CDH8: variants seen among roughly 807,000 people sequenced by gnomAD.
The protein encoded by CDH8 is cadherin-8.
A neutral mutation model predicts 68.1 loss-of-function variants in CDH8; 17 were observed. That is an observed-to-expected ratio of 0.25 (90% CI 0.17 to 0.37). The LOEUF (loss-of-function observed/expected upper bound fraction) is 0.37. Among genes scored for constraint, CDH8 ranks in the 10% least tolerant of loss-of-function variants. The pLI, the probability that CDH8 is intolerant of heterozygous loss-of-function variation, is 1.00. For missense variants in CDH8, 763 were observed against 999.3 expected (o/e 0.76, Z 3.19); for synonymous variants, 372 against 365.1 (o/e 1.02, Z -0.21).
intron 10 of CDH8, among the ~76,000 whole-genome samples, chr16:61,704,794 G>A (rs1335883990): frequency 6.6e-6 from 1 of 152,170 alleles, no homozygotes; most frequent in Non-Finnish European, 1.5e-5. Context: ...AGTATGTTGG[G>A]ATAGATGAGC....
At chr16:61,762,880 G>A (rs1259421476) in intron 8 of CDH8, among the ~76,000 whole-genome samples, 1 of 152,148 alleles carries the variant, frequency 6.6e-6, no homozygotes, top group Admixed American at 6.5e-5. Context: ...CCCAATCTGT[G>A]TTTTAACAAG....
At chr16:61,746,556 AACACACACACACAC>A (rs71675273) in intron 8 of CDH8, among the ~76,000 whole-genome samples, 3,270 of 140,204 alleles carry the variant, frequency 0.023, 240 homozygotes, top group East Asian at 0.23. Flanking sequence ...ATTCCCCCCC[AACACACACACACAC>A]ACACACACAC....
chr16:61,873,245 T>C (rs752843551), intron 3 of CDH8, among the ~76,000 whole-genome samples: 19 of 152,178 alleles, frequency 1.2e-4, no homozygotes, highest in Non-Finnish European at 2.5e-4. Flanking sequence ...TAGACATAAA[T>C]AAGCCTAAAT....
At chr16:61,851,308 ATGT>A (rs1962932778) in intron 4 of CDH8, among the ~76,000 whole-genome samples, 1 of 152,008 alleles carries the variant, frequency 6.6e-6, no homozygotes, top group East Asian at 1.9e-4. Flanking sequence ...ACAGAGACAA[ATGT>A]TGTTTGTACC....
intron 10 of CDH8, among the ~76,000 whole-genome samples, chr16:61,662,218 T>C (rs1963580438): frequency 6.6e-6 from 1 of 151,644 alleles, no homozygotes; most frequent in Non-Finnish European, 1.5e-5. Context: ...TCAATTTTAC[T>C]CATACGTTAT....
At chr16:61,668,824 C>T (rs185257792) in intron 10 of CDH8, among the ~76,000 whole-genome samples, 24 of 152,010 alleles carry the variant, frequency 1.6e-4, no homozygotes, top group Non-Finnish European at 2.8e-4. Flanking sequence ...TGAATAGGTG[C>T]CTCTAAATAT....
At chr16:62,009,044 A>T (rs895128361) in intron 2 of CDH8, among the ~76,000 whole-genome samples, 16 of 151,910 alleles carry the variant, frequency 1.1e-4, no homozygotes, top group African/African-American at 3.9e-4. Context: ...AAAAAAAAAA[A>T]AGCAAAGAAA....
At chr16:61,947,861 A>G (rs951592047) in intron 2 of CDH8, among the ~76,000 whole-genome samples, 1 of 152,186 alleles carries the variant, frequency 6.6e-6, no homozygotes, top group Non-Finnish European at 1.5e-5. Flanking sequence ...ATGGCTCGAG[A>G]AAATGAAAAT....
At chr16:62,000,085 G>C (rs1217272672) in intron 2 of CDH8, among the ~76,000 whole-genome samples, 1 of 152,026 alleles carries the variant, frequency 6.6e-6, no homozygotes, top group African/African-American at 2.4e-5. Context: ...TACTGTGTTA[G>C]TTTGCTGAGA....
At chr16:61,687,586 CTT>C in intron 10 of CDH8, among the ~76,000 whole-genome samples, 1 of 152,088 alleles carries the variant, frequency 6.6e-6, no homozygotes, top group Admixed American at 6.6e-5. Flanking sequence ...CTAACAACGC[CTT>C]CAGCCCTCAC....
At chr16:61,809,390 A>C (rs999597264) in intron 7 of CDH8, among the ~76,000 whole-genome samples, 1 of 152,066 alleles carries the variant, frequency 6.6e-6, no homozygotes, top group East Asian at 1.9e-4. Flanking sequence ...AACAATGAGA[A>C]CACATGGACA....
At chr16:61,759,339 AAAG>A (rs1209126569) in intron 8 of CDH8, among the ~76,000 whole-genome samples, 1 of 152,052 alleles carries the variant, frequency 6.6e-6, no homozygotes, top group East Asian at 1.9e-4. Flanking sequence ...TAAAAAGAAG[AAAG>A]AAGGAGGAAG....
intron 4 of CDH8, among the ~76,000 whole-genome samples, chr16:61,849,853 T>C (rs578240278): frequency 7.9e-5 from 12 of 152,152 alleles, no homozygotes; most frequent in Non-Finnish European, 1.2e-4. Context: ...CTATCACAAA[T>C]ATCACATTTT....
chr16:61,692,761 G>A (rs1964254570), intron 10 of CDH8: 3 of 151,976 alleles, frequency 2.0e-5, no homozygotes, highest in South Asian at 2.1e-4. Context: ...ACTAATCTTC[G>A]GTGAGTAGAT....
chr16:62,012,536 G>A (rs959441988), intron 2 of CDH8, among the ~76,000 whole-genome samples: 14 of 152,092 alleles, frequency 9.2e-5, no homozygotes, highest in African/African-American at 3.4e-4. Context: ...ATTAAGTAAT[G>A]GTCCCCAAGA....
chr16:61,695,034 C>T (rs1227609366), intron 10 of CDH8, among the ~76,000 whole-genome samples: 3 of 152,082 alleles, frequency 2.0e-5, no homozygotes, highest in African/African-American at 4.8e-5. Context: ...CCGCCTCAGC[C>T]CCTCAAAGTG....
intron 4 of CDH8, among the ~76,000 whole-genome samples, chr16:61,853,431 T>A (rs886621136): frequency 6.6e-6 from 1 of 152,132 alleles, no homozygotes; most frequent in Non-Finnish European, 1.5e-5. Flanking sequence ...ATCTTCTTTA[T>A]AAAGAGTATG....
intron 2 of CDH8, among the ~76,000 whole-genome samples, chr16:61,988,685 A>T (rs560611009): frequency 6.6e-6 from 1 of 152,340 alleles, no homozygotes; most frequent in African/African-American, 2.4e-5. Context: ...GGAAAAAACA[A>T]GTTTACTATG....
intron 9 of CDH8, chr16:61,714,169 G>C (rs918099055): frequency 1.9e-6 from 1 of 525,296 alleles, no homozygotes; most frequent in Non-Finnish European, 3.3e-6. Context: ...TGAAAATTAA[G>C]AGCATTACCT....
Sources: allele counts gnomAD v4.1 joint callset (sites outside exome capture counted in the v4.1 genomes callset), GRCh38; gene constraint gnomAD v4.1.1; transcripts MANE v1.5; gene names NCBI Gene and HGNC (gene_info 2026-07-23, HGNC 2026-07-21).